The following G2E3 variants were observed in gnomAD, a reference collection of about 807,000 sequenced individuals.
G2E3 encodes G2/M-phase specific E3 ubiquitin protein ligase, also known as G2/M phase-specific E3 ubiquitin-protein ligase.
G2E3 carries 35 observed loss-of-function variants against 92.8 expected under a neutral mutation model. The ratio of observed to expected loss-of-function variants is 0.38; its 90% CI spans 0.29 to 0.50. The LOEUF (loss-of-function observed/expected upper bound fraction) is 0.50, where lower values mean the gene tolerates loss of function less well. Ranked by LOEUF, G2E3 falls within the 20% of genes least tolerant of loss-of-function variation. The pLI is 0.94. For missense variants in G2E3, 554 were observed against 823.8 expected (o/e 0.67, Z 4.01); for synonymous variants, 242 against 272.4 (o/e 0.89, Z 1.10).
In G2E3 at chr14:30,616,498, A is replaced by G. The variant is rs759129445; in HGVS notation, c.2085A>G (p.Leu695=). ...TCACCATAAGAAACACTCTAAGACT[A>G]GAAAAGGAAGAAAGTTCTCATTACA... The part of the protein sequence containing the change: ...MDFTIRNTLR[L]EKEESSHYIG... Residue 695 remains leucine, a synonymous_variant, in exon 15 of 15, where the codon CTA becomes CTG. Transcript: ENST00000206595. The G allele has an allele frequency of 1.3e-5, 21 of 1,601,700 alleles. No individual in the cohort carries two copies. The highest frequency in any genetic ancestry group is 1.7e-5 in the Non-Finnish European group (20 of 1,172,002).
intron 1 of G2E3, among the ~76,000 whole-genome samples, chr14:30,573,864 A>G (rs1445112165): frequency 6.6e-6 from 1 of 152,218 alleles, no homozygotes; most frequent in African/African-American, 2.4e-5. Context: ...ACATAAGTTT[A>G]ACCAGATATC....
At chr14:30,560,573 C>CTAA (rs1566518752) in intron 1 of G2E3, 1 of 525,644 alleles carries the variant, frequency 1.9e-6, no homozygotes, top group African/African-American at 1.9e-5. Context: ...CTATACTTCT[C>CTAA]TAAGCCTTTC....
At chr14:30,602,208 G>C in intron 10 of G2E3, 77 bp downstream of exon 10, 1 of 1,115,854 alleles carries the variant, frequency 9.0e-7, no homozygotes, top group African/African-American at 1.6e-5. Context: ...TATACATTTA[G>C]AATATTAGGT....
At chr14:30,576,321 A>G (rs1880086902) in intron 1 of G2E3, among the ~76,000 whole-genome samples, 1 of 152,242 alleles carries the variant, frequency 6.6e-6, no homozygotes, top group Admixed American at 6.5e-5. Context: ...AGCCATATGC[A>G]GAAGATTGAA....
intron 1 of G2E3, among the ~76,000 whole-genome samples, chr14:30,565,810 CA>C (rs1879396543): frequency 6.6e-6 from 1 of 151,716 alleles, no homozygotes; most frequent in Non-Finnish European, 1.5e-5. Flanking sequence ...TATAGGCACC[CA>C]CCACCACACC....
chr14:30,591,422 T>C (rs1881005137), intron 4 of G2E3, among the ~76,000 whole-genome samples: 1 of 152,204 alleles, frequency 6.6e-6, no homozygotes, highest in South Asian at 2.1e-4. Context: ...TATATTCATT[T>C]CCTAGGGCTG....
intron 6 of G2E3, among the ~76,000 whole-genome samples, chr14:30,597,191 G>A (rs1372851079): frequency 1.3e-5 from 2 of 152,088 alleles, no homozygotes; most frequent in African/African-American, 4.8e-5. Flanking sequence ...AAATATATGG[G>A]TGATGTAAAG....
At position 30,605,565 on chromosome 14, in the gene G2E3, T is replaced by TAA. The variant is rs751355614; in HGVS notation, c.1080_1081dup (p.Thr361LysfsTer17). On this transcript the variant is annotated frameshift_variant, in exon 11 of 15. Coordinates refer to ENST00000206595, the MANE Select transcript of G2E3 (RefSeq NM_017769.5). LOFTEE classifies it high-confidence loss of function. The stretch of plus-strand genomic sequence containing the variant: ...TATTAATAGAGTTAGGATTCCAAAT[T>TAA]AAAAAAAAAACTAAAAGATTGTATA... 3.5e-5 allele frequency: 47 copies of TAA among 1,358,494 alleles called. No individual in the cohort carries two copies. The highest frequency in any genetic ancestry group is 4.1e-5 in the Admixed American group (2 of 48,302). 84.2% of individuals were successfully genotyped at this position (1,358,494 alleles called of 1,614,324 possible).
chr14:30,594,753 A>G (rs1881191391), intron 6 of G2E3, among the ~76,000 whole-genome samples: 1 of 152,026 alleles, frequency 6.6e-6, no homozygotes, highest in Non-Finnish European at 1.5e-5. Flanking sequence ...TAACAGTACT[A>G]AAAGTAGTAA....
chr14:30,618,033 A>G lies in G2E3; in HGVS notation c.*1499A>G, dbSNP rs773922617. ...CACCCTTCTTAAGAAAAATCATTAC[A>G]TTATTGATATTTTTTAAGTAACAGA... On this transcript the variant is annotated 3_prime_UTR_variant, in exon 15 of 15. Coordinates refer to ENST00000206595, the MANE Select transcript of G2E3 (RefSeq NM_017769.5). 4.6e-5 allele frequency: 7 copies of G among 152,074 alleles called. No individual in the cohort carries two copies. Among genetic ancestry groups the G allele is most frequent in the Non-Finnish European group, 1.0e-4 (7 of 67,934 alleles). The allele number at this position is 152,074 out of a possible 1,614,324, so 9.4% of individuals were successfully genotyped here.
chr14:30,582,508 G>C (rs369165140), intron 2 of G2E3, among the ~76,000 whole-genome samples: 19 of 152,078 alleles, frequency 1.2e-4, no homozygotes, highest in African/African-American at 4.6e-4. Flanking sequence ...CTCCATCCAG[G>C]GTTCATGGCA....
intron 12 of G2E3, chr14:30,611,893 C>G (rs1594513616): frequency 1.1e-5 from 2 of 177,342 alleles, no homozygotes; most frequent in African/African-American, 4.8e-5. Context: ...CTCAAGCAGG[C>G]CTCCCACCTC....
chr14:30,593,562 A>G lies in G2E3; in HGVS notation c.451A>G (p.Ile151Val), dbSNP rs1452687235. The change falls in exon 6 of 15, where the codon ATT becomes GTT. Residue 151 changes from isoleucine to valine, a missense_variant. Ile to Val is a conservative substitution (Grantham distance 29). This residue lies in a region of G2E3 where 137 missense variants were observed against 201.3 expected (regional missense o/e 0.68). Transcript: ENST00000206595. Reference protein sequence around the residue: ...SLPCTICLEFIEPIPSYNILR... With the variant: ...SLPCTICLEFVEPIPSYNILR... The stretch of plus-strand genomic sequence containing the variant: ...ACCATGCACCATTTGCTTGGAATTT[A>G]TTGAGCCTATTCCAAGTTATAACAT... 1.9e-6 allele frequency: 3 copies of G among 1,593,412 alleles called. No homozygotes were observed.
At chr14:30,587,691 C>T (rs190456053) in intron 3 of G2E3, among the ~76,000 whole-genome samples, 72 of 152,176 alleles carry the variant, frequency 4.7e-4, no homozygotes, top group African/African-American at 1.5e-3. Context: ...TCCTAGCTAG[C>T]GTCAGGAAAC....
chr14:30,585,700 T>A (rs1594482865), intron 2 of G2E3, among the ~76,000 whole-genome samples: 1 of 152,108 alleles, frequency 6.6e-6, no homozygotes, highest in South Asian at 2.1e-4. Flanking sequence ...TTTGATTATA[T>A]CTACTCTAAT....
At chr14:30,591,548 C>T (rs1216265968) in intron 4 of G2E3, among the ~76,000 whole-genome samples, 1 of 152,098 alleles carries the variant, frequency 6.6e-6, no homozygotes, top group Admixed American at 6.6e-5. Flanking sequence ...GAATTGATTC[C>T]ATGCTTCTCC....
intron 4 of G2E3, 49 bp downstream of exon 4, chr14:30,589,533 C>T: frequency 1.1e-6 from 1 of 917,446 alleles, no homozygotes; most frequent in Non-Finnish European, 1.7e-6. Context: ...ATTGTCAATA[C>T]TTGGGAAGTC....
intron 4 of G2E3, among the ~76,000 whole-genome samples, chr14:30,591,562 A>G (rs73264341): frequency 0.017 from 2,546 of 152,218 alleles, 92 homozygotes; most frequent in African/African-American, 0.058. Context: ...CTTCTCCCCT[A>G]GCTTCACATG....
intron 1 of G2E3, among the ~76,000 whole-genome samples, chr14:30,566,224 C>A (rs1192218115): frequency 6.6e-6 from 1 of 152,000 alleles, no homozygotes; most frequent in African/African-American, 2.4e-5. Flanking sequence ...TTTGGGGATC[C>A]TTTTGACTAT....
Sources: allele counts gnomAD v4.1 joint callset (sites outside exome capture counted in the v4.1 genomes callset), GRCh38; gene constraint gnomAD v4.1.1; regional missense constraint gnomAD v4.1.1; transcripts MANE v1.5; gene names NCBI Gene and HGNC (gene_info 2026-07-23, HGNC 2026-07-21).